The following STAB1 variants were observed in gnomAD, a reference collection of about 807,000 sequenced individuals.
STAB1 encodes the protein stabilin 1.
In STAB1, 250 loss-of-function variants were observed where a neutral mutation model predicts 332.4. The observed-to-expected ratio is 0.75, with a 90% confidence interval of 0.68 to 0.84. The LOEUF (loss-of-function observed/expected upper bound fraction) is 0.84. STAB1 is among the 40% of genes least tolerant of loss of function. The pLI is 0.00. For synonymous variants in STAB1, 1,475 were observed against 1,390.4 expected (o/e 1.06, Z -1.35); for missense variants, 3,249 against 3,489.7 (o/e 0.93, Z 1.74).
At chr3:52,510,680 T>C (rs1709234885) in intron 25 of STAB1, among the ~76,000 whole-genome samples, 173 bp downstream of exon 25, 1 of 152,208 alleles carries the variant, frequency 6.6e-6, no homozygotes, top group Non-Finnish European at 1.5e-5. Context: ...CCTTCATCCA[T>C]TGGCTCATTG....
At chr3:52,521,165 C>T (rs1300835207) in intron 55 of STAB1, among the ~76,000 whole-genome samples, 160 bp downstream of exon 55, 2 of 152,086 alleles carry the variant, frequency 1.3e-5, no homozygotes, top group South Asian at 2.1e-4. Flanking sequence ...AGAGGCATGG[C>T]GGTAGTGTGG....
chr3:52,522,388 A>T lies in STAB1; in HGVS notation c.6524A>T (p.Glu2175Val). 1 of 1,612,986 alleles carries T rather than the reference A, an allele frequency of 6.2e-7. No homozygotes were observed. The highest frequency in any genetic ancestry group is 8.5e-7 in the Non-Finnish European group (1 of 1,180,012). Residue 2175 changes from glutamate to valine, a missense_variant, in exon 60 of 69, where the codon GAG becomes GTG. Coordinates refer to ENST00000321725, the MANE Select transcript of STAB1 (RefSeq NM_015136.3). Reference protein sequence around the residue: ...GYVGDGLQCLEESEPPVDRCL... With the variant: ...GYVGDGLQCLVESEPPVDRCL... ...GTAGGCGATGGACTGCAGTGTCTGG[A>T]GGAGTCGGAACCACCTGTGGACCGC...
In STAB1 at chr3:52,523,054, G is replaced by A. The variant is rs769577300; in HGVS notation, c.6940G>A (p.Val2314Met). 8.9e-6 allele frequency: 14 copies of A among 1,569,842 alleles called. No individual in the cohort carries two copies. Among genetic ancestry groups the A allele is most frequent in the Middle Eastern group, 3.4e-4 (2 of 5,874 alleles). Residue 2314 changes from valine to methionine, a missense_variant, in exon 63 of 69, where the codon GTG (valine) becomes ATG (methionine). By Grantham distance (21) the Val-to-Met change is conservative. Coordinates refer to ENST00000321725, the MANE Select transcript of STAB1 (RefSeq NM_015136.3). ...GGCCTGCCGATGCCGAAATGGCTTC[G>A]TGGGTGACGGGATCAGCACGTGCAA... The part of the protein sequence containing the change: ...DVACRCRNGF[V>M]GDGISTCNGK...
At position 52,522,759 on chromosome 3, in the gene STAB1, C is replaced by T. The variant is rs766039128; in HGVS notation, c.6745-16C>T. The stretch of plus-strand genomic sequence containing the variant: ...GACTGGGTCTTGGGTCTTAGTATCC[C>T]CTCCTGTTCCTACAGCTGGGCTTCC... On this transcript the variant is annotated splice_polypyrimidine_tract_variant and intron_variant, in intron 61 of 68. Transcript: ENST00000321725. The T allele has an allele frequency of 6.2e-7, 1 of 1,612,722 alleles. No individual in the cohort carries two copies. Among genetic ancestry groups the T allele is most frequent in the Non-Finnish European group, 8.5e-7 (1 of 1,179,780 alleles).
rs965296852 is a variant in STAB1 at position 52,517,379 on chromosome 3, A to G, written c.4549A>G (p.Thr1517Ala). The change falls in exon 43 of 69, where the codon ACT (threonine) becomes GCT (alanine). Residue 1517 changes from threonine (T) to alanine (A), a missense_variant. Physicochemically the swap from Thr to Ala is moderately conservative, Grantham distance 58. Coordinates refer to ENST00000321725, the MANE Select transcript of STAB1 (RefSeq NM_015136.3). ...CCACATTCACGCCGAGTGCATCCCCACTGGCCCCCAGCAGGTCAGCATGGC... is the reference window on the plus strand; with the variant it reads ...CCACATTCACGCCGAGTGCATCCCCGCTGGCCCCCAGCAGGTCAGCATGGC... ...GCHIHAECIP[T>A]GPQQVSCSCR... The G allele has an allele frequency of 1.2e-6, 2 of 1,604,162 alleles. No individual in the cohort carries two copies. Among genetic ancestry groups the G allele is most frequent in the Admixed American group, 1.7e-5 (1 of 58,296 alleles).
chr3:52,514,588 A>G, intron 34 of STAB1, 92 bp downstream of exon 34: 1 of 1,556,292 alleles, frequency 6.4e-7, no homozygotes. Flanking sequence ...TGAGCCTCCA[A>G]CCTCTAACCT....
Position 52,523,585 on chromosome 3 carries a change from G to C in STAB1, c.7290+9G>C. The C allele has an allele frequency of 6.2e-7, 1 of 1,612,640 alleles. No homozygotes were observed. Among genetic ancestry groups the C allele is most frequent in the Non-Finnish European group, 8.5e-7 (1 of 1,180,002 alleles). ...GTTCCTGGGCCCCTGTGGTGAGTCT[G>C]GCCACTGTCCCACCCTGTTGGCCCT... is the stretch of plus-strand genomic sequence containing the variant. On this transcript the variant is annotated intron_variant, in intron 65 of 68. Coordinates refer to ENST00000321725, the MANE Select transcript of STAB1 (RefSeq NM_015136.3).
At position 52,520,037 on chromosome 3, in the gene STAB1, G is replaced by T. The variant is rs1575361404; in HGVS notation, c.5329G>T (p.Asp1777Tyr). The T allele has an allele frequency of 6.2e-7, 1 of 1,612,660 alleles. No individual in the cohort carries two copies. Among genetic ancestry groups the T allele is most frequent in the East Asian group, 2.2e-5 (1 of 44,876 alleles). The part of the protein sequence containing the change: ...TDAAFRALPP[D>Y]RQAWLYHEDH... Reference sequence around the variant, plus strand: ...CGCCGCCTTTCGAGCTCTGCCTCCGGATCGCCAGGCCTGGCTGTACCATGA... The same window carrying T: ...CGCCGCCTTTCGAGCTCTGCCTCCGTATCGCCAGGCCTGGCTGTACCATGA... Residue 1777 changes from aspartate (D) to tyrosine (Y), a missense_variant, in exon 51 of 69, where the codon GAT becomes TAT. By Grantham distance (160) the Asp-to-Tyr change is radical. Coordinates refer to ENST00000321725, the MANE Select transcript of STAB1 (RefSeq NM_015136.3).
In STAB1 at chr3:52,497,280, G is replaced by A. The variant is rs576486503; in HGVS notation, c.78+1789G>A. On this transcript the variant is annotated intron_variant, in intron 1 of 68. Coordinates refer to ENST00000321725, the MANE Select transcript of STAB1 (RefSeq NM_015136.3). The stretch of plus-strand genomic sequence containing the variant: ...GCTGGGATTACAGGTGTGAGCCACC[G>A]TGCCCAACCCCATGTTCAGACTTTT... Among the ~76,000 whole-genome samples, 14 of 150,624 alleles carry A rather than the reference G, an allele frequency of 9.3e-5. No individual in the cohort carries two copies. In the South Asian group the frequency reaches 1.5e-3, roughly 16 times the overall value.
chr3:52,521,167 G>T (rs2079059519), intron 55 of STAB1, among the ~76,000 whole-genome samples, 162 bp downstream of exon 55: 1 of 152,216 alleles, frequency 6.6e-6, no homozygotes, highest in Non-Finnish European at 1.5e-5. Context: ...AGGCATGGCG[G>T]TAGTGTGGAC....
chr3:52,519,808 CA>C, intron 50 of STAB1, 135 bp from the exon 51 acceptor site: 2 of 1,243,596 alleles, frequency 1.6e-6, no homozygotes, highest in South Asian at 1.5e-5. Flanking sequence ...TGTGCACACA[CA>C]TGCCTGCCTG....
rs753632284 is a variant in STAB1, at chr3:52,517,545, G to A, written c.4564-5G>A. On this transcript the variant is annotated splice_polypyrimidine_tract_variant and splice_region_variant and intron_variant, in intron 43 of 68. Coordinates refer to ENST00000321725, the MANE Select transcript of STAB1 (RefSeq NM_015136.3). ...AGCAGCCCCACTGATCAAGACTGGG[G>A]ACAGGTCTCCTGCAGCTGCCGTGAG... 1.5e-5 allele frequency: 24 copies of A among 1,612,440 alleles called. No homozygotes were observed. In the East Asian group the frequency reaches 4.5e-4, roughly 30 times the overall value.
rs748140065 is a variant in STAB1, at chr3:52,506,223, G to T, written c.1803G>T (p.Gln601His). The change falls in exon 17 of 69, where the codon CAG becomes CAT. Residue 601 changes from glutamine to histidine, a missense_variant. By Grantham distance (24) the Gln-to-His change is conservative. Coordinates refer to ENST00000321725, the MANE Select transcript of STAB1 (RefSeq NM_015136.3). ...GTCGGATCCTCACCATGGCGAACCA[G>T]GTCCTGGCTGTGAACATTTCTGAGG... is the stretch of plus-strand genomic sequence containing the variant. ...SKGRILTMAN[Q>H]VLAVNISEEG... 1.2e-6 allele frequency: 2 copies of T among 1,612,878 alleles called. No individual in the cohort carries two copies.
chr3:52,501,733 A>G lies in STAB1; in HGVS notation c.311A>G (p.Tyr104Cys), dbSNP rs1388052650. The G allele has an allele frequency of 6.4e-7, 1 of 1,567,856 alleles. No individual in the cohort carries two copies. Among genetic ancestry groups the G allele is most frequent in the East Asian group, 2.4e-5 (1 of 41,932 alleles). The change falls in exon 3 of 69, where the codon TAC becomes TGC. Residue 104 changes from tyrosine (Y) to cysteine (C), a missense_variant. By Grantham distance (194) the Tyr-to-Cys change is radical. Transcript: ENST00000321725. ...GTGCAGAAGGCCTGCTGCCCTGGCT[A>G]CTGGGGTTCCCGGTGCCATGGTATG... ...QVVQKACCPG[Y>C]WGSRCHECPG... is the part of the protein sequence containing the mutation.
Position 52,519,485 on chromosome 3 carries a change from T to A in STAB1, c.5176-20T>A, listed in dbSNP as rs749170167. 1.9e-6 allele frequency: 3 copies of A among 1,613,074 alleles called. No individual in the cohort carries two copies. Among genetic ancestry groups the A allele is most frequent in the Admixed American group, 3.3e-5 (2 of 60,000 alleles). ...CTCCCTTCCCGCCTGGCCTAGCTGTTTATGAGAGCCTTTCCTCAGAGAAAT... is the reference window on the plus strand; with the variant it reads ...CTCCCTTCCCGCCTGGCCTAGCTGTATATGAGAGCCTTTCCTCAGAGAAAT... On this transcript the variant is annotated intron_variant, in intron 49 of 68. Coordinates refer to ENST00000321725, the MANE Select transcript of STAB1 (RefSeq NM_015136.3).
rs775209941 is a variant in STAB1 at position 52,523,510 on chromosome 3, G to A, written c.7224G>A (p.Pro2408=). 1.1e-5 allele frequency: 18 copies of A among 1,612,518 alleles called. No homozygotes were observed. The highest frequency in any genetic ancestry group is 3.3e-5 in the Admixed American group (2 of 59,996). Residue 2408 remains proline (P), a synonymous_variant, in exon 65 of 69, where the codon CCG becomes CCA. Transcript: ENST00000321725. The part of the protein sequence containing the change: ...SANASQGKLL[P]AHSGLSLIIS... ...ACGCCAGCCAGGGGAAGTTGCTTCC[G>A]GCCCACTCAGGCCTCAGCCTCATCA...
At position 52,503,084 on chromosome 3, in the gene STAB1, C is replaced by T; in HGVS notation, c.669C>T (p.Tyr223=). Residue 223 remains tyrosine (Y), a synonymous_variant, in exon 7 of 69, where the codon TAC becomes TAT. Coordinates refer to ENST00000321725, the MANE Select transcript of STAB1 (RefSeq NM_015136.3). ...CCAGCTGCAGGTGCCTGCCCGGCTA[C>T]ACACAGCAGGGCAGTGAATGCCGAG... ...EAPSCRCLPG[Y]TQQGSECRAP... 1 of 1,599,364 alleles carries T rather than the reference C, an allele frequency of 6.3e-7. No individual in the cohort carries two copies. Among genetic ancestry groups the T allele is most frequent in the East Asian group, 2.3e-5 (1 of 44,284 alleles).
Position 52,515,056 on chromosome 3 carries a change from G to A in STAB1, c.3864+11G>A, listed in dbSNP as rs918316249. ...GGCTTCCAGCTGCAGGTGAGACTGG[G>A]CTTAGCGCAGCTCTGTCCCTGTGTT... On this transcript the variant is annotated intron_variant, in intron 36 of 68. Transcript: ENST00000321725. 2.5e-6 allele frequency: 4 copies of A among 1,612,976 alleles called. No homozygotes were observed. In the African/African-American group the frequency reaches 4.0e-5, roughly 16 times the overall value.
rs1238854573 is a variant in STAB1, at chr3:52,523,654, C to A, written c.7293C>A (p.Ala2431=). The part of the protein sequence containing the change: ...GPDNSSWAPV[A]PGTVVVSRII... ...GCCTGACTCTGGTCTCCCTGCAGGCCCCAGGGACAGTTGTGGTTAGCCGTA... is the reference window on the plus strand; with the variant it reads ...GCCTGACTCTGGTCTCCCTGCAGGCACCAGGGACAGTTGTGGTTAGCCGTA... The change falls in exon 66 of 69, where the codon GCC becomes GCA. Residue 2431 remains alanine (A), a splice_region_variant and synonymous_variant. Transcript: ENST00000321725. 1 of 1,612,944 alleles carries A rather than the reference C, an allele frequency of 6.2e-7. No homozygotes were observed. The highest frequency in any genetic ancestry group is 8.5e-7 in the Non-Finnish European group (1 of 1,179,978).
Sources: allele counts gnomAD v4.1 joint callset (sites outside exome capture counted in the v4.1 genomes callset), GRCh38; gene constraint gnomAD v4.1.1; transcripts MANE v1.5; gene names NCBI Gene and HGNC (gene_info 2026-07-23, HGNC 2026-07-21).